Variants in IL1RN observed in about 807,000 individuals in gnomAD.
IL1RN encodes interleukin 1 receptor antagonist, also known as interleukin-1 receptor antagonist protein.
A neutral mutation model predicts 13.7 loss-of-function variants in IL1RN; 10 were observed. The ratio of observed to expected loss-of-function variants is 0.73; its 90% CI spans 0.45 to 1.24. The LOEUF (loss-of-function observed/expected upper bound fraction) is 1.24, where lower values mean the gene tolerates loss of function less well. Ranked by LOEUF, IL1RN falls within the 50% of genes most tolerant of loss-of-function variation. The pLI is 0.00. For synonymous variants in IL1RN, 102 were observed against 82.7 expected (o/e 1.23, Z -1.27); for missense variants, 213 against 222.1 (o/e 0.96, Z 0.26).
intron 2 of IL1RN, 153 bp downstream of exon 2, chr2:113,129,817 C>A: frequency 1.5e-6 from 1 of 673,844 alleles, no homozygotes. Context: ...GAGGGCCTGG[C>A]TACTGAAGGG....
chr2:113,125,649 T>C (rs1448408229), upstream of IL1RN, among the ~76,000 whole-genome samples: 1 of 152,228 alleles, frequency 6.6e-6, no homozygotes, highest in African/African-American at 2.4e-5. Flanking sequence ...GGTTGGAAGA[T>C]GTGTTGGTTG....
chr2:113,099,956 G>A, the IL1RN span, among the ~76,000 whole-genome samples: 10 of 138,944 alleles, frequency 7.2e-5, no homozygotes, highest in Non-Finnish European at 1.6e-4. Flanking sequence ...GGATGGTCTC[G>A]ATCTCCTGAC....
chr2:113,102,158 T>C, the IL1RN span, among the ~76,000 whole-genome samples: 1 of 152,098 alleles, frequency 6.6e-6, no homozygotes, highest in African/African-American at 2.4e-5. Flanking sequence ...ACAGGAAGAA[T>C]GTATTTGCTC....
At chr2:113,115,973 A>T (rs142533474), upstream of IL1RN, among the ~76,000 whole-genome samples, 15 of 152,206 alleles carry the variant, frequency 9.9e-5, no homozygotes, top group African/African-American at 3.1e-4. Flanking sequence ...GAAGAAATCC[A>T]ATCTATTTCC....
At chr2:113,099,466 G>A in the IL1RN span, among the ~76,000 whole-genome samples, 1 of 152,198 alleles carries the variant, frequency 6.6e-6, no homozygotes, top group Non-Finnish European at 1.5e-5. Context: ...CTGAGAACTT[G>A]CTCCAGGCTA....
chr2:113,126,951 A>G (rs1490770224), upstream of IL1RN, among the ~76,000 whole-genome samples: 1 of 152,212 alleles, frequency 6.6e-6, no homozygotes, highest in Non-Finnish European at 1.5e-5. Context: ...GACTCACTTT[A>G]CATCAGGGGT....
chr2:113,113,987 T>C (rs1686546106), upstream of IL1RN, among the ~76,000 whole-genome samples: 1 of 152,210 alleles, frequency 6.6e-6, no homozygotes, highest in Non-Finnish European at 1.5e-5. Flanking sequence ...CCCTTATGGG[T>C]TGCTTGTTGG....
chr2:113,111,148 A>G (rs1228762027), exon 1 of IL1RN: 4 of 152,236 alleles, frequency 2.6e-5, no homozygotes, highest in Admixed American at 2.6e-4. Context: ...ATTCGCATAT[A>G]AGGGCTTGTT....
the IL1RN span, among the ~76,000 whole-genome samples, chr2:113,101,483 T>C: frequency 2.0e-5 from 3 of 151,084 alleles, no homozygotes; most frequent in Non-Finnish European, 4.4e-5. Flanking sequence ...GCACCTACTA[T>C]AGCCACTATT....
At chr2:113,108,026 A>G (rs1686413494), upstream of IL1RN, among the ~76,000 whole-genome samples, 1 of 152,324 alleles carries the variant, frequency 6.6e-6, no homozygotes, top group Middle Eastern at 3.4e-3. Context: ...AAAAAACACG[A>G]AATTATCTTT....
At position 113,127,647 on chromosome 2, in the gene IL1RN, G is replaced by T. The variant is rs538999895; in HGVS notation, c.23G>T (p.Arg8Leu). The change falls in exon 1 of 4, where the codon CGC becomes CTC. Residue 8 changes from arginine to leucine, a missense_variant. Physicochemically the swap from Arg to Leu is moderately radical, Grantham distance 102. Coordinates refer to ENST00000409930, the MANE Select transcript of IL1RN (RefSeq NM_173842.3). ...AGAATGGAAATCTGCAGAGGCCTCC[G>T]CAGTCACCTAATCACTCTCCTCCTC... MEICRGL[R>L]SHLITLLLFL... is the part of the protein sequence containing the mutation. The T allele has an allele frequency of 5.6e-6, 9 of 1,613,878 alleles. No individual in the cohort carries two copies. Among genetic ancestry groups the T allele is most frequent in the Non-Finnish European group, 6.8e-6 (8 of 1,179,946 alleles).
chr2:113,124,987 C>T (rs1285844576), upstream of IL1RN, among the ~76,000 whole-genome samples: 1 of 152,152 alleles, frequency 6.6e-6, no homozygotes, highest in Non-Finnish European at 1.5e-5. Context: ...TACCCAGGAG[C>T]CGCAGTGTGG....
At chr2:113,131,824 G>A (rs933653019) in intron 3 of IL1RN, among the ~76,000 whole-genome samples, 1 of 152,108 alleles carries the variant, frequency 6.6e-6, no homozygotes, top group African/African-American at 2.4e-5. Flanking sequence ...GGAAAACATG[G>A]CTTTGTCTCA....
chr2:113,122,290 G>T (rs1686805557), intron 2 of IL1RN, among the ~76,000 whole-genome samples: 1 of 152,200 alleles, frequency 6.6e-6, no homozygotes, highest in Non-Finnish European at 1.5e-5. Flanking sequence ...ATTGTTTTCT[G>T]CAAGGGGGAT....
chr2:113,130,494 C>T (rs1010991444), intron 2 of IL1RN, among the ~76,000 whole-genome samples: 3 of 152,242 alleles, frequency 2.0e-5, no homozygotes, highest in Non-Finnish European at 4.4e-5. Flanking sequence ...TTTCCCTGCC[C>T]CTCAGCAACA....
chr2:113,128,375 T>A (rs1687040195), intron 1 of IL1RN, among the ~76,000 whole-genome samples: 1 of 152,222 alleles, frequency 6.6e-6, no homozygotes, highest in Non-Finnish European at 1.5e-5. Context: ...TGCTTGTGCA[T>A]GCCCTCTGCA....
chr2:113,114,542 T>C (rs1222093280), upstream of IL1RN, among the ~76,000 whole-genome samples: 1 of 152,138 alleles, frequency 6.6e-6, no homozygotes, highest in Non-Finnish European at 1.5e-5. Flanking sequence ...AGAGTCTATA[T>C]ATCTTGACCA....
At chr2:113,116,808 C>A (rs1401859512), upstream of IL1RN, among the ~76,000 whole-genome samples, 2 of 152,184 alleles carry the variant, frequency 1.3e-5, no homozygotes, top group African/African-American at 4.8e-5. Context: ...TGTGTAAATG[C>A]ATGTGATTTA....
chr2:113,116,890 T>C (rs4251961), upstream of IL1RN, among the ~76,000 whole-genome samples: 44,884 of 152,158 alleles, frequency 0.29, 7,431 homozygotes, highest in Middle Eastern at 0.45. Flanking sequence ...GCAGATAGCA[T>C]CAGGTCCATT....
Sources: allele counts gnomAD v4.1 joint callset (sites outside exome capture counted in the v4.1 genomes callset), GRCh38; gene constraint gnomAD v4.1.1; transcripts MANE v1.5; gene names NCBI Gene and HGNC (gene_info 2026-07-23, HGNC 2026-07-21).